The following ANKRD55 variants were observed in gnomAD, a reference collection of about 807,000 sequenced individuals.
ANKRD55 encodes the protein ankyrin repeat domain 55, also known as ankyrin repeat domain-containing protein 55.
Under a neutral mutation model 60.6 loss-of-function variants are expected in ANKRD55, and 41 were observed. The observed-to-expected ratio is 0.68, with a 90% CI of 0.53 to 0.88. ANKRD55 has a LOEUF of 0.88. Among genes scored for constraint, ANKRD55 ranks in the 40% least tolerant of loss-of-function variants. The pLI is 0.00. For synonymous variants in ANKRD55, 264 were observed against 290.3 expected (o/e 0.91, Z 0.92); for missense variants, 732 against 767.6 (o/e 0.95, Z 0.55).
intron 5 of ANKRD55, among the ~76,000 whole-genome samples, chr5:56,165,886 G>A (rs563296562): frequency 4.6e-5 from 7 of 151,992 alleles, no homozygotes; most frequent in South Asian, 2.1e-4. Flanking sequence ...CCAAGATTAC[G>A]CCTTTACGCT....
intron 7 of ANKRD55, among the ~76,000 whole-genome samples, chr5:56,137,892 T>C (rs894492889): frequency 6.6e-6 from 1 of 152,062 alleles, no homozygotes; most frequent in Non-Finnish European, 1.5e-5. Context: ...ACAAAGAAAA[T>C]TTGCAGATGA....
intron 8 of ANKRD55, 35 bp downstream of exon 8, chr5:56,126,887 C>A (rs1757275892): frequency 6.4e-7 from 1 of 1,568,972 alleles, no homozygotes; most frequent in Non-Finnish European, 8.7e-7. Flanking sequence ...GGGGAAATGA[C>A]TAGTTTCCCA....
chr5:56,208,326 A>G (rs79147355), intron 2 of ANKRD55, among the ~76,000 whole-genome samples: 4,970 of 152,236 alleles, frequency 0.033, 91 homozygotes, highest in Middle Eastern at 0.054. Context: ...TAATGATAAA[A>G]CTATAGTACA....
intron 5 of ANKRD55, among the ~76,000 whole-genome samples, chr5:56,166,158 T>TTTCTTTCTTCTTTCTTTCC (rs1554040812): frequency 4.1e-5 from 3 of 72,460 alleles, no homozygotes; most frequent in African/African-American, 1.9e-4. Flanking sequence ...TTCTTTCTTC[T>TTTCTTTCTTCTTTCTTTCC]TTCCTTCCTT....
At chr5:56,159,729 A>C in intron 6 of ANKRD55, 104 bp downstream of exon 6, 1 of 1,134,118 alleles carries the variant, frequency 8.8e-7, no homozygotes, top group Non-Finnish European at 1.3e-6. Flanking sequence ...ACCATGCCTC[A>C]TGTCTCCCCG....
chr5:56,150,993 A>G (rs1402370621), intron 6 of ANKRD55, among the ~76,000 whole-genome samples: 2 of 152,190 alleles, frequency 1.3e-5, no homozygotes, highest in Admixed American at 6.5e-5. Flanking sequence ...GTAATTTCAG[A>G]TATTTTTCCT....
intron 5 of ANKRD55, among the ~76,000 whole-genome samples, chr5:56,166,158 T>TTTCTTTCTTCCTTCCTTCCTTCCTTCC (rs1554040812): frequency 1.4e-5 from 1 of 72,436 alleles, no homozygotes; most frequent in Non-Finnish European, 2.6e-5. Context: ...TTCTTTCTTC[T>TTTCTTTCTTCCTTCCTTCCTTCCTTCC]TTCCTTCCTT....
chr5:56,116,096 C>T (rs1260697124), intron 9 of ANKRD55, among the ~76,000 whole-genome samples: 1 of 152,102 alleles, frequency 6.6e-6, no homozygotes, highest in Non-Finnish European at 1.5e-5. Flanking sequence ...CTCAGGTGAT[C>T]CACCTGCCTC....
At chr5:56,183,413 C>A in intron 3 of ANKRD55, 99 bp downstream of exon 3, 1 of 1,464,452 alleles carries the variant, frequency 6.8e-7, no homozygotes, top group Non-Finnish European at 9.3e-7. Context: ...ATCAAAATGG[C>A]TGGTCAGATA....
intron 4 of ANKRD55, among the ~76,000 whole-genome samples, chr5:56,171,337 C>G (rs1407469461): frequency 1.3e-5 from 2 of 152,180 alleles, no homozygotes; most frequent in African/African-American, 4.8e-5. Flanking sequence ...TTTCCCATTG[C>G]TATGTTTTAT....
chr5:56,116,694 T>C lies in ANKRD55; in HGVS notation c.886A>G (p.Ile296Val). The C allele has an allele frequency of 3.7e-6, 6 of 1,614,102 alleles. No homozygotes were observed. The highest frequency in any genetic ancestry group is 5.1e-6 in the Non-Finnish European group (6 of 1,179,966). The change falls in exon 9 of 12, where the codon ATC becomes GTC. Residue 296 changes from isoleucine (I) to valine (V), a missense_variant. Ile to Val is a conservative substitution (Grantham distance 29). Around this residue, in one of 3 missense-constraint regions of ANKRD55, gnomAD observed 597 missense variants for 607.5 expected, o/e 0.98. Coordinates refer to ENST00000341048, the MANE Select transcript of ANKRD55 (RefSeq NM_024669.3). ...TAGGCCAAGGGCGTGCTCTCATTGA[T>C]GTCCCGCAGGTTGCTGTCCATTCCC... The part of the protein sequence containing the change: ...ELGMDSNLRD[I>V]NESTPLAYAL...
intron 10 of ANKRD55, among the ~76,000 whole-genome samples, chr5:56,105,953 T>C (rs1756450930): frequency 6.6e-6 from 1 of 152,208 alleles, no homozygotes; most frequent in Non-Finnish European, 1.5e-5. Context: ...TCTGTTCCAT[T>C]TTCTCTGAAA....
Position 56,126,934 on chromosome 5 carries a change from T to A in ANKRD55, c.785A>T (p.Asp262Val), listed in dbSNP as rs745682018. The A allele has an allele frequency of 6.2e-7, 1 of 1,609,644 alleles. No individual in the cohort carries two copies. ...TTACCATGGATACCTGTCATCCACA[T>A]CCAGAGCCTGCAGGTTACACTCAGG... ...RVPECNLQAL[D>V]VDDRTPLHWA... Residue 262 changes from aspartate to valine, a missense_variant, in exon 8 of 12, where the codon GAT becomes GTT. Asp to Val is a radical substitution (Grantham distance 152). Around this residue, in one of 3 missense-constraint regions of ANKRD55, gnomAD observed 597 missense variants for 607.5 expected, o/e 0.98. Transcript: ENST00000341048.
chr5:56,188,868 C>G (rs1051747887), intron 2 of ANKRD55, among the ~76,000 whole-genome samples: 2 of 151,954 alleles, frequency 1.3e-5, no homozygotes, highest in Non-Finnish European at 2.9e-5. Context: ...GGAGTTTTAG[C>G]TGGAAAATTA....
At position 56,116,766 on chromosome 5, in the gene ANKRD55, C is replaced by T. The variant is rs573280713; in HGVS notation, c.814G>A (p.Ala272Thr). 1.2e-6 allele frequency: 2 copies of T among 1,611,694 alleles called. No individual in the cohort carries two copies. Among genetic ancestry groups the T allele is most frequent in the Admixed American group, 1.7e-5 (1 of 59,736 alleles). ...DVDDRTPLHW[A>T]AAAGKAECVQ... is the part of the protein sequence containing the mutation. Reference sequence around the variant, plus strand: ...CATTCGGCCTTCCCTGCAGCTGCAGCCCAGTGCAGAGGTGTCCTGGAGGGG... The same window carrying T: ...CATTCGGCCTTCCCTGCAGCTGCAGTCCAGTGCAGAGGTGTCCTGGAGGGG... The change falls in exon 9 of 12, where the codon GCT becomes ACT. Residue 272 changes from alanine (A) to threonine (T), a missense_variant. Ala to Thr is a moderately conservative substitution (Grantham distance 58, BLOSUM62 0). Around this residue, in one of 3 missense-constraint regions of ANKRD55, gnomAD observed 597 missense variants for 607.5 expected, o/e 0.98. Transcript: ENST00000341048.
chr5:56,161,376 C>T (rs529157358), intron 5 of ANKRD55, among the ~76,000 whole-genome samples: 66 of 152,188 alleles, frequency 4.3e-4, no homozygotes, highest in Non-Finnish European at 7.1e-4. Context: ...TCAGAAATTG[C>T]TTTTGGAAGA....
intron 6 of ANKRD55, among the ~76,000 whole-genome samples, chr5:56,148,911 A>G (rs187938587): frequency 1.3e-5 from 2 of 152,282 alleles, no homozygotes; most frequent in East Asian, 3.9e-4. Flanking sequence ...AAACAATTCC[A>G]GATGCTTTGA....
At chr5:56,197,187 A>C (rs1330189027) in intron 2 of ANKRD55, among the ~76,000 whole-genome samples, 1 of 152,228 alleles carries the variant, frequency 6.6e-6, no homozygotes, top group Non-Finnish European at 1.5e-5. Context: ...TATAAAATAA[A>C]GATAATTTAA....
In ANKRD55 at chr5:56,176,157, A is replaced by T. The variant is rs150154852; in HGVS notation, c.307T>A (p.Tyr103Asn). ...YGRTSLCLAT[Y>N]LGWLEGCVSL... ...TGACAGGCACAAGTCAGTACCAGGT[A>T]GGTGGCCAGGCATAAACTTGTGCGG... The change falls in exon 4 of 12, where the codon TAC (tyrosine) becomes AAC (asparagine). Residue 103 changes from tyrosine (Y) to asparagine (N), a missense_variant. By Grantham distance (143) the Tyr-to-Asn change is moderately radical. Transcript: ENST00000341048. 944 of 1,614,202 alleles carry T rather than the reference A, an allele frequency of 5.8e-4. 4 individuals are homozygous for T. Among genetic ancestry groups the T allele is most frequent in the Middle Eastern group, 4.5e-3 (27 of 6,062 alleles).
Sources: allele counts gnomAD v4.1 joint callset (sites outside exome capture counted in the v4.1 genomes callset), GRCh38; gene constraint gnomAD v4.1.1; regional missense constraint gnomAD v4.1.1; transcripts MANE v1.5; gene names NCBI Gene and HGNC (gene_info 2026-07-23, HGNC 2026-07-21).